Variants in ZNF609 observed in about 807,000 individuals in gnomAD.
The protein encoded by ZNF609 is zinc finger protein 609.
In ZNF609, 11 loss-of-function variants were observed where a neutral mutation model predicts 109.5. That is an observed-to-expected ratio of 0.10 (90% CI 0.06 to 0.17). ZNF609 has a LOEUF of 0.17. ZNF609 is among the 10% of genes least tolerant of loss of function. The pLI is 1.00. For synonymous variants in ZNF609, 646 were observed against 662.0 expected (o/e 0.98, Z 0.37); for missense variants, 1,559 against 1,772.4 (o/e 0.88, Z 2.16).
At chr15:64,617,319 G>A (rs1159655111) in intron 2 of ZNF609, among the ~76,000 whole-genome samples, 1 of 150,728 alleles carries the variant, frequency 6.6e-6, no homozygotes, top group Non-Finnish European at 1.5e-5. Context: ...ACCATTCCCG[G>A]CCAAAAAATT....
At chr15:64,515,849 A>G (rs924241740) in intron 2 of ZNF609, among the ~76,000 whole-genome samples, 1 of 152,034 alleles carries the variant, frequency 6.6e-6, no homozygotes, top group Non-Finnish European at 1.5e-5. Flanking sequence ...GAGGCAGGAT[A>G]ATTGCTCGAA....
chr15:64,678,029 G>T lies in ZNF609; in HGVS notation c.3403-87G>T, dbSNP rs570325881. The T allele has an allele frequency of 2.6e-6, 4 of 1,515,810 alleles. No homozygotes were observed. In the South Asian group the frequency reaches 5.1e-5, roughly 19 times the overall value. 93.9% of individuals were successfully genotyped at this position (1,515,810 alleles called of 1,614,324 possible). A position where few individuals can be genotyped will look rare whatever the true frequency, so the allele number is the denominator to read the frequency against. On this transcript the variant is annotated intron_variant, in intron 5 of 9. Coordinates refer to ENST00000326648, the MANE Select transcript of ZNF609 (RefSeq NM_015042.2). Reference sequence around the variant, plus strand: ...CCCAGGTGTCTAGTACTAATTATCTGCTCTGGTGGTTCTACTGGGACCTTG... The same window carrying T: ...CCCAGGTGTCTAGTACTAATTATCTTCTCTGGTGGTTCTACTGGGACCTTG...
chr15:64,462,962 AAATT>A (rs1383338402), intron 1 of ZNF609, among the ~76,000 whole-genome samples: 9 of 152,212 alleles, frequency 5.9e-5, no homozygotes, highest in African/African-American at 2.2e-4. Context: ...GTTGTGTAAA[AAATT>A]ATTTGGGACC....
chr15:64,669,451 G>C (rs1304456696), intron 3 of ZNF609, among the ~76,000 whole-genome samples: 2 of 152,158 alleles, frequency 1.3e-5, no homozygotes, highest in African/African-American at 4.8e-5. Flanking sequence ...ATTTAAGGAA[G>C]AATATATGAA....
chr15:64,672,696 T>C (rs1272870956), intron 4 of ZNF609, among the ~76,000 whole-genome samples: 1 of 150,632 alleles, frequency 6.6e-6, no homozygotes, highest in African/African-American at 2.4e-5. Flanking sequence ...CCAGGTGCAG[T>C]GGCTCACGCC....
At chr15:64,645,968 A>T (rs1657453281) in intron 3 of ZNF609, among the ~76,000 whole-genome samples, 1 of 152,242 alleles carries the variant, frequency 6.6e-6, no homozygotes, top group African/African-American at 2.4e-5. Context: ...TGTGGAAAAC[A>T]GTTTGGTGGA....
intron 2 of ZNF609, among the ~76,000 whole-genome samples, chr15:64,577,896 C>T (rs2140422924): frequency 6.6e-6 from 1 of 151,662 alleles, no homozygotes; most frequent in East Asian, 1.9e-4. Context: ...TGGCTTATGC[C>T]TGTAACCCAA....
At chr15:64,477,382 C>T (rs1485639909) in intron 1 of ZNF609, among the ~76,000 whole-genome samples, 4 of 151,744 alleles carry the variant, frequency 2.6e-5, no homozygotes, top group Non-Finnish European at 5.9e-5. Flanking sequence ...CCTCGTGATC[C>T]GCCGGCCTCA....
chr15:64,515,271 T>TTATAC (rs1893789669), intron 2 of ZNF609, among the ~76,000 whole-genome samples: 1 of 152,176 alleles, frequency 6.6e-6, no homozygotes, highest in African/African-American at 2.4e-5. Context: ...ATAGTATACC[T>TTATAC]TATTCGAAGG....
chr15:64,479,019 T>C (rs1195936127), intron 1 of ZNF609, among the ~76,000 whole-genome samples: 1 of 152,168 alleles, frequency 6.6e-6, no homozygotes, highest in African/African-American at 2.4e-5. Flanking sequence ...TGCTGCTGTT[T>C]ACTTAATAAT....
chr15:64,649,966 T>G (rs1567039229), intron 3 of ZNF609, among the ~76,000 whole-genome samples: 1 of 152,042 alleles, frequency 6.6e-6, no homozygotes. Context: ...GGACACACTT[T>G]GACACATCAC....
chr15:64,487,041 T>G (rs1316151260), intron 1 of ZNF609, among the ~76,000 whole-genome samples: 1 of 152,242 alleles, frequency 6.6e-6, no homozygotes, highest in African/African-American at 2.4e-5. Context: ...TGTTTATTAT[T>G]GAGCCGTTTG....
intron 2 of ZNF609, among the ~76,000 whole-genome samples, chr15:64,580,133 A>G (rs535224): frequency 0.96 from 145,649 of 152,256 alleles, 69,907 homozygotes; most frequent in East Asian, 1. Context: ...GAGATTTAAA[A>G]ATGGTATACT....
chr15:64,640,006 G>A (rs1216236698), intron 3 of ZNF609, among the ~76,000 whole-genome samples: 2 of 151,904 alleles, frequency 1.3e-5, no homozygotes, highest in South Asian at 2.1e-4. Context: ...TGCAACCTCC[G>A]CCTCCTGGGT....
At chr15:64,466,330 C>T (rs1007958741) in intron 1 of ZNF609, among the ~76,000 whole-genome samples, 3 of 152,098 alleles carry the variant, frequency 2.0e-5, no homozygotes, top group African/African-American at 7.2e-5. Flanking sequence ...TATTTTCTGA[C>T]CTTTTTAGTG....
At chr15:64,573,304 G>A (rs1213593777) in intron 2 of ZNF609, among the ~76,000 whole-genome samples, 5 of 144,994 alleles carry the variant, frequency 3.4e-5, no homozygotes, top group African/African-American at 1.3e-4. Context: ...TTTTCAAAAA[G>A]CAGTGCAAGT....
chr15:64,548,015 C>A (rs2140389446), intron 2 of ZNF609, among the ~76,000 whole-genome samples: 1 of 152,128 alleles, frequency 6.6e-6, no homozygotes, highest in South Asian at 2.1e-4. Context: ...CAATGATGAC[C>A]CTTTGATGAG....
intron 5 of ZNF609, among the ~76,000 whole-genome samples, chr15:64,677,660 A>T (rs1361163988): frequency 4.6e-5 from 7 of 152,188 alleles, no homozygotes; most frequent in African/African-American, 1.4e-4. Flanking sequence ...TGCTCATGAG[A>T]CTTAGAATGT....
intron 2 of ZNF609, among the ~76,000 whole-genome samples, chr15:64,604,286 G>A (rs972564709): frequency 6.6e-6 from 1 of 152,162 alleles, no homozygotes; most frequent in African/African-American, 2.4e-5. Flanking sequence ...CTAAAGCAAG[G>A]CTTGCTAAAC....
Sources: gnomAD v4.1 joint callset for allele counts (sites outside exome capture counted in the v4.1 genomes callset) on GRCh38, gnomAD v4.1.1 for gene constraint, MANE v1.5 for transcripts, NCBI Gene and HGNC (gene_info 2026-07-23, HGNC 2026-07-21) for gene names.